LCOR: variants seen among roughly 807,000 people sequenced by gnomAD.
LCOR encodes the protein ligand-dependent corepressor.
LCOR carries 14 observed loss-of-function variants against 64.4 expected under a neutral mutation model. That is an observed-to-expected ratio of 0.22 (90% CI 0.14 to 0.34). The LOEUF is 0.34. Among genes scored for constraint, LCOR ranks in the 10% least tolerant of loss-of-function variants. The pLI, the probability that LCOR is intolerant of heterozygous loss-of-function variation, is 1.00. For synonymous variants in LCOR, 643 were observed against 642.5 expected, an observed-to-expected ratio of 1.00 and a Z score of -0.01; for missense variants, 1,686 against 1,765.3, an observed-to-expected ratio of 0.96 and a Z score of 0.80.
At chr10:96,958,967 C>T (rs1589683818) in intron 7 of LCOR, 1 of 142,886 alleles carries the variant, frequency 7.0e-6, no homozygotes, top group Non-Finnish European at 1.5e-5. Context: ...ATATATTTTA[C>T]CTTATTATAG....
chr10:96,886,465 G>A (rs576794241), intron 2 of LCOR, among the ~76,000 whole-genome samples: 1 of 152,152 alleles, frequency 6.6e-6, no homozygotes, highest in South Asian at 2.1e-4. Context: ...TTCCGATTAG[G>A]GATTCTTAAC....
intron 7 of LCOR, chr10:96,957,363 G>C: frequency 4.1e-6 from 4 of 984,914 alleles, no homozygotes; most frequent in Non-Finnish European, 4.8e-6. Flanking sequence ...TCTGAGATGG[G>C]CTTTTAAAAT....
chr10:96,920,635 CAT>C (rs1303234446), intron 4 of LCOR, among the ~76,000 whole-genome samples: 13 of 132,846 alleles, frequency 9.8e-5, no homozygotes, highest in East Asian at 4.3e-4. Flanking sequence ...TATGTACATT[CAT>C]ATATGTGTAT....
intron 1 of LCOR, chr10:96,833,013 G>A (rs1158031696): frequency 3.8e-5 from 37 of 985,508 alleles, no homozygotes; most frequent in Non-Finnish European, 4.5e-5. Context: ...CAGTCCCCGG[G>A]TGCGCCTGAC....
chr10:96,958,399 ATG>A, intron 7 of LCOR: 1 of 1,519,450 alleles, frequency 6.6e-7, no homozygotes. Context: ...AATATTTTCT[ATG>A]TGTGTTTCAG....
At chr10:96,901,564 T>A (rs1406603722) in intron 2 of LCOR, among the ~76,000 whole-genome samples, 1 of 152,170 alleles carries the variant, frequency 6.6e-6, no homozygotes, top group Non-Finnish European at 1.5e-5. Flanking sequence ...AAGTCAGTAA[T>A]CAACATTAGG....
intron 4 of LCOR, among the ~76,000 whole-genome samples, chr10:96,929,626 A>T (rs1299687428): frequency 6.6e-6 from 1 of 152,248 alleles, no homozygotes; most frequent in Non-Finnish European, 1.5e-5. Flanking sequence ...TCACTGGAGT[A>T]GCACATCTAA....
intron 4 of LCOR, among the ~76,000 whole-genome samples, chr10:96,920,154 G>A (rs1847022689): frequency 6.6e-6 from 1 of 150,786 alleles, no homozygotes; most frequent in South Asian, 2.1e-4. Context: ...GCCCTCATTT[G>A]TTTTCTTCCG....
chr10:96,970,329 C>T (rs1283918331), intron 7 of LCOR, among the ~76,000 whole-genome samples: 3 of 151,698 alleles, frequency 2.0e-5, no homozygotes, highest in African/African-American at 4.8e-5. Context: ...GCCCGGGAGG[C>T]GGAGGTTGCA....
At chr10:96,887,776 G>A (rs1680636964) in intron 2 of LCOR, among the ~76,000 whole-genome samples, 2 of 150,478 alleles carry the variant, frequency 1.3e-5, no homozygotes, top group South Asian at 4.3e-4. Context: ...TGCCTCCTGG[G>A]TTCAAGTAAT....
At chr10:96,920,652 G>GTGTATATA (rs897029555) in intron 4 of LCOR, among the ~76,000 whole-genome samples, 3 of 134,462 alleles carry the variant, frequency 2.2e-5, no homozygotes, top group African/African-American at 6.3e-5. Flanking sequence ...GTGTATATAT[G>GTGTATATA]TGTATATATG....
At chr10:96,915,710 T>A (rs556037632) in intron 4 of LCOR, 2 of 713,796 alleles carry the variant, frequency 2.8e-6, no homozygotes, top group East Asian at 2.7e-5. Flanking sequence ...GTTATTCACC[T>A]CCTTGCCAGC....
chr10:96,912,209 G>C (rs1846850200), intron 4 of LCOR, among the ~76,000 whole-genome samples: 1 of 152,102 alleles, frequency 6.6e-6, no homozygotes, highest in Non-Finnish European at 1.5e-5. Flanking sequence ...GTGATAACAG[G>C]TGTGAGCCAC....
rs1371771053 is a variant in LCOR at position 96,989,695 on chromosome 10, A to ATATATATTTTTTTTT, written c.*4562_*4563insATATATTTTTTTTTT. ...TAAGGATATATATATATATATATAT[A>ATATATATTTTTTTTT]TTTTTTTTTTTTTTTTTTTTTTTTA... On this transcript the variant is annotated 3_prime_UTR_variant, in exon 8 of 8. Transcript: ENST00000421806. The ATATATATTTTTTTTT allele has an allele frequency of 1.2e-5, 1 of 86,160 alleles. No homozygotes were observed. The highest frequency in any genetic ancestry group is 6.2e-5 in the African/African-American group (1 of 16,170). 5.3% of individuals were successfully genotyped at this position (86,160 alleles called of 1,614,324 possible). A position where few individuals can be genotyped will look rare whatever the true frequency, so the allele number is the denominator to read the frequency against.
At chr10:96,906,153 G>A (rs945591147) in intron 2 of LCOR, among the ~76,000 whole-genome samples, 3 of 152,080 alleles carry the variant, frequency 2.0e-5, no homozygotes, top group East Asian at 3.8e-4. Context: ...CAATTAAATC[G>A]CAAACCCCTA....
chr10:96,980,141 C>T (rs1254163896), intron 7 of LCOR, among the ~76,000 whole-genome samples: 1 of 144,288 alleles, frequency 6.9e-6, no homozygotes, highest in Non-Finnish European at 1.5e-5. Flanking sequence ...AAGACTGTCT[C>T]CATTAAAAAA....
At chr10:96,891,586 A>G (rs560678957) in intron 2 of LCOR, among the ~76,000 whole-genome samples, 2 of 108,634 alleles carry the variant, frequency 1.8e-5, no homozygotes, top group East Asian at 6.2e-4. Context: ...TCTGTCGCCC[A>G]CACTGGAGTG....
intron 7 of LCOR, chr10:96,957,281 T>G (rs894860195): frequency 3.0e-6 from 3 of 985,196 alleles, no homozygotes; most frequent in Admixed American, 6.2e-5. Flanking sequence ...TATTCATGGT[T>G]GTTTAGCACA....
At position 96,988,919 on chromosome 10, in the gene LCOR, C is replaced by T. The variant is rs1249819782; in HGVS notation, c.*3785C>T. 6.6e-6 allele frequency: 1 copy of T among 152,180 alleles called. No individual in the cohort carries two copies. Among genetic ancestry groups the T allele is most frequent in the Non-Finnish European group, 1.5e-5 (1 of 68,030 alleles). 9.4% of individuals were successfully genotyped at this position (152,180 alleles called of 1,614,324 possible). ...CTGCAAGAGCAGAGTTGAGTAGCTG[C>T]GGCAGAGACCCGTGTGGCCCTTACA... On this transcript the variant is annotated 3_prime_UTR_variant, in exon 8 of 8. Coordinates refer to ENST00000421806, the MANE Select transcript of LCOR (RefSeq NM_001346516.2).
Sources: allele counts gnomAD v4.1 joint callset (sites outside exome capture counted in the v4.1 genomes callset), GRCh38; gene constraint gnomAD v4.1.1; transcripts MANE v1.5; gene names NCBI Gene and HGNC (gene_info 2026-07-23, HGNC 2026-07-21).